Variants in RAB30 observed in about 807,000 individuals in gnomAD.
RAB30 encodes the protein RAB30, member RAS oncogene family, also known as ras-related protein Rab-30.
In RAB30, 9 loss-of-function variants were observed where a neutral mutation model predicts 25.1. That is an observed-to-expected ratio of 0.36 (90% CI 0.22 to 0.63). The LOEUF is 0.63. Among genes scored for constraint, RAB30 ranks in the 20% least tolerant of loss-of-function variants. RAB30 has a pLI of 0.69. For synonymous variants in RAB30, 77 were observed against 86.4 expected (o/e 0.89, Z 0.60); for missense variants, 140 against 243.5 (o/e 0.58, Z 2.83).
intron 3 of RAB30, among the ~76,000 whole-genome samples, chr11:82,988,773 A>G (rs1013001233): frequency 6.6e-6 from 1 of 152,176 alleles, no homozygotes; most frequent in Non-Finnish European, 1.5e-5. Context: ...CAACAAAAAC[A>G]ATAATCTTTC....
chr11:82,997,933 C>T (rs1391537773), intron 1 of RAB30, among the ~76,000 whole-genome samples: 1 of 152,158 alleles, frequency 6.6e-6, no homozygotes, highest in Non-Finnish European at 1.5e-5. Context: ...CCTGTCTGTT[C>T]ACTCCTCTGG....
intron 1 of RAB30, among the ~76,000 whole-genome samples, chr11:83,022,820 A>G (rs981515109): frequency 2.0e-5 from 3 of 152,096 alleles, no homozygotes; most frequent in Non-Finnish European, 2.9e-5. Context: ...TCAGATGATC[A>G]TTTTGTTTTT....
At chr11:83,031,951 GGTTA>G (rs1337053749) in intron 1 of RAB30, among the ~76,000 whole-genome samples, 1 of 152,104 alleles carries the variant, frequency 6.6e-6, no homozygotes, top group South Asian at 2.1e-4. Context: ...TATTTGTTTG[GGTTA>G]GTTGGTGACG....
intron 3 of RAB30, among the ~76,000 whole-genome samples, chr11:82,988,545 AT>A (rs1376496358): frequency 6.6e-6 from 1 of 152,186 alleles, no homozygotes; most frequent in Non-Finnish European, 1.5e-5. Context: ...TTATTTCTTT[AT>A]AAAAAGTGGT....
chr11:82,997,434 G>C, intron 1 of RAB30, 110 bp from the exon 2 acceptor site: 1 of 729,966 alleles, frequency 1.4e-6, no homozygotes, highest in Non-Finnish European at 2.3e-6. Flanking sequence ...CATTTAAAGA[G>C]CAATTTAAAG....
At chr11:83,067,223 G>C (rs1858721974) in intron 1 of RAB30, among the ~76,000 whole-genome samples, 1 of 152,256 alleles carries the variant, frequency 6.6e-6, no homozygotes, top group African/African-American at 2.4e-5. Context: ...CTTATTCAAT[G>C]TTGTTTTCCT....
At chr11:83,049,787 A>T (rs1590875306) in intron 1 of RAB30, among the ~76,000 whole-genome samples, 1 of 152,272 alleles carries the variant, frequency 6.6e-6, no homozygotes, top group East Asian at 1.9e-4. Context: ...CTACTTATTG[A>T]TTATTATCAG....
At position 82,982,036 on chromosome 11, in the gene RAB30, T is replaced by C; in HGVS notation, c.*129A>G. 1 of 1,313,294 alleles carries C rather than the reference T, an allele frequency of 7.6e-7. No individual in the cohort carries two copies. Among genetic ancestry groups the C allele is most frequent in the East Asian group, 2.3e-5 (1 of 43,134 alleles). 81.4% of individuals were successfully genotyped at this position (1,313,294 alleles called of 1,614,324 possible). A position where few individuals can be genotyped will look rare whatever the true frequency, so the allele number is the denominator to read the frequency against. On this transcript the variant is annotated 3_prime_UTR_variant, in exon 5 of 5. Transcript: ENST00000527633. ...TCGAGGCCCTTGGCCTGCCATGCTTTGTAAGCTCAGGAGCCCACAGGAGTC... is the reference window on the plus strand; with the variant it reads ...TCGAGGCCCTTGGCCTGCCATGCTTCGTAAGCTCAGGAGCCCACAGGAGTC...
At chr11:83,050,928 G>C (rs117535223) in intron 1 of RAB30, among the ~76,000 whole-genome samples, 1,635 of 152,274 alleles carry the variant, frequency 0.011, 19 homozygotes, top group Middle Eastern at 0.037. Context: ...AACAAAGCGA[G>C]ACTCTGTCTC....
chr11:83,014,817 G>C (rs1248719822), intron 1 of RAB30, among the ~76,000 whole-genome samples: 3 of 151,662 alleles, frequency 2.0e-5, no homozygotes, highest in South Asian at 2.1e-4. Flanking sequence ...AGGAAGGAAG[G>C]AAGGAAGAGA....
intron 1 of RAB30, among the ~76,000 whole-genome samples, chr11:83,051,676 C>T (rs1020127081): frequency 4.6e-5 from 7 of 151,412 alleles, no homozygotes; most frequent in African/African-American, 1.7e-4. Flanking sequence ...TCATAAAGCA[C>T]TTACAGTTAA....
chr11:83,046,626 T>C (rs902638779), intron 1 of RAB30, among the ~76,000 whole-genome samples: 3 of 152,108 alleles, frequency 2.0e-5, no homozygotes, highest in Non-Finnish European at 4.4e-5. Context: ...CCTGAGTAGC[T>C]ACAACTACAG....
At chr11:83,020,453 G>A (rs1016028029) in intron 1 of RAB30, among the ~76,000 whole-genome samples, 2 of 152,254 alleles carry the variant, frequency 1.3e-5, no homozygotes, top group South Asian at 4.1e-4. Context: ...TGGGGGCTGA[G>A]GGCGGCTCTG....
Position 83,016,104 on chromosome 11 carries a change from C to T in RAB30, c.-8-18780G>A, listed in dbSNP as rs1590854941. ...AGTGAGCTCTGATCATGCCACTGTA[C>T]TCCAGCCTGGGCAACAGAGTGAGAC... is the stretch of plus-strand genomic sequence containing the variant. On this transcript the variant is annotated intron_variant, in intron 1 of 4. Coordinates refer to ENST00000527633, the MANE Select transcript of RAB30 (RefSeq NM_001286060.2). Among the ~76,000 whole-genome samples the T allele has an allele frequency of 2.0e-5, 3 of 152,160 alleles. No individual in the cohort carries two copies. In the South Asian group the frequency reaches 6.2e-4, roughly 32 times the overall value.
chr11:83,042,091 A>C (rs1858131536), intron 1 of RAB30, among the ~76,000 whole-genome samples: 1 of 152,006 alleles, frequency 6.6e-6, no homozygotes, highest in African/African-American at 2.4e-5. Context: ...CTATTTGTTC[A>C]GTTTTTAAAG....
chr11:82,985,006 C>T (rs568014679), intron 4 of RAB30, among the ~76,000 whole-genome samples: 3 of 152,340 alleles, frequency 2.0e-5, no homozygotes, highest in African/African-American at 7.2e-5. Context: ...GAGACAGAGT[C>T]TCGCTCTGTT....
At chr11:83,027,487 T>A (rs1857751281) in intron 1 of RAB30, among the ~76,000 whole-genome samples, 1 of 152,084 alleles carries the variant, frequency 6.6e-6, no homozygotes, top group Non-Finnish European at 1.5e-5. Flanking sequence ...AGGGAAAACC[T>A]GAAGATGGTA....
At chr11:83,022,269 C>T (rs969623213) in intron 1 of RAB30, among the ~76,000 whole-genome samples, 5 of 152,164 alleles carry the variant, frequency 3.3e-5, no homozygotes, top group East Asian at 1.9e-4. Flanking sequence ...AGGTGATTGT[C>T]CCACCTCAGC....
At chr11:83,037,952 G>T (rs1294743216) in intron 1 of RAB30, among the ~76,000 whole-genome samples, 1 of 152,190 alleles carries the variant, frequency 6.6e-6, no homozygotes, top group African/African-American at 2.4e-5. Flanking sequence ...AAGGAATTCA[G>T]TCTGACATAA....
Sources: gnomAD v4.1 joint callset for allele counts (sites outside exome capture counted in the v4.1 genomes callset) on GRCh38, gnomAD v4.1.1 for gene constraint, MANE v1.5 for transcripts, NCBI Gene and HGNC (gene_info 2026-07-23, HGNC 2026-07-21) for gene names.